ILDR2: variants seen among roughly 807,000 people sequenced by gnomAD.
ILDR2 encodes the protein immunoglobulin like domain containing receptor 2.
In ILDR2, 25 loss-of-function variants were observed where a neutral mutation model predicts 66.8. The observed-to-expected ratio is 0.37, with a 90% CI of 0.27 to 0.52. The LOEUF is 0.52. Ranked by LOEUF, ILDR2 falls within the 20% of genes least tolerant of loss-of-function variation. ILDR2 has a pLI of 0.88. For synonymous variants in ILDR2, 367 were observed against 357.2 expected (o/e 1.03, Z -0.31); for missense variants, 827 against 876.8 (o/e 0.94, Z 0.72).
intron 1 of ILDR2, among the ~76,000 whole-genome samples, chr1:166,972,184 C>A: frequency 6.6e-6 from 1 of 151,836 alleles, no homozygotes; most frequent in Non-Finnish European, 1.5e-5. Context: ...TGCACTCTGG[C>A]CTGGGTGACA....
At chr1:166,935,223 C>T in intron 6 of ILDR2, 78 bp downstream of exon 6, 1 of 1,409,358 alleles carries the variant, frequency 7.1e-7, no homozygotes, top group Non-Finnish European at 1.0e-6. Context: ...CATCACTGAA[C>T]TGACTGTTCT....
chr1:166,957,868 A>G lies in ILDR2; in HGVS notation c.280T>C (p.Leu94=), dbSNP rs201912020. Residue 94 remains leucine, a synonymous_variant, in exon 2 of 10, where the codon TTG becomes CTG. Transcript: ENST00000271417. ...NLEWDPYLDC[L]DSRRTVRVVA... The stretch of plus-strand genomic sequence containing the variant: ...ACTCGAACAGTCCTCCTGCTGTCCA[A>G]ACAATCCAAGTAGGGGTCCCATTCC... The G allele has an allele frequency of 1.6e-5, 26 of 1,614,038 alleles. No individual in the cohort carries two copies. The highest frequency in any genetic ancestry group is 2.1e-5 in the Non-Finnish European group (25 of 1,180,032).
chr1:166,975,528 G>C lies in ILDR2; in HGVS notation c.-260C>G, dbSNP rs1663543938. ...CCGCATGCCCAGGCAGCGCGGCACG[G>C]GGCGAGCGTCTCCCCGCCGCAGAGC... On this transcript the variant is annotated 5_prime_UTR_variant, in exon 1 of 10. Transcript: ENST00000271417. 6.8e-6 allele frequency: 1 copy of C among 147,396 alleles called. No individual in the cohort carries two copies. Among genetic ancestry groups the C allele is most frequent in the South Asian group, 2.1e-4 (1 of 4,826 alleles). The allele number at this position is 147,396 out of a possible 1,614,324, so 9.1% of individuals were successfully genotyped here.
At chr1:166,898,177 T>C (rs1361387152) in intron 2 of ILDR2, among the ~76,000 whole-genome samples, 1 of 152,122 alleles carries the variant, frequency 6.6e-6, no homozygotes, top group South Asian at 2.1e-4. Flanking sequence ...TGCCTGTTGT[T>C]TTTGAGGAGT....
intron 4 of ILDR2, among the ~76,000 whole-genome samples, chr1:166,938,052 C>G (rs937184456): frequency 2.0e-5 from 3 of 152,206 alleles, no homozygotes; most frequent in African/African-American, 7.2e-5. Flanking sequence ...ACTAATCTTT[C>G]TGAAATACAT....
Position 166,897,158 on chromosome 1 carries a change from G to A in ILDR2, n.172-1057C>T, listed in dbSNP as rs1167552864. On this transcript the variant is annotated intron_variant and non_coding_transcript_variant, in intron 2 of 2. Coordinates refer to the ILDR2 transcript ENST00000414590. ...AATACAACTAGCAGTAAGGTGACCA[G>A]TTAAGAGGCTATTGCTATAGTCCAC... 2.6e-5 allele frequency among the ~76,000 whole-genome samples: 4 copies of A among 152,190 alleles called. 1 individual carries two copies. The South Asian group carries it at 8.3e-4, about 32-fold the overall frequency.
At chr1:166,971,377 G>A (rs1165956545) in intron 1 of ILDR2, among the ~76,000 whole-genome samples, 5 of 152,220 alleles carry the variant, frequency 3.3e-5, no homozygotes, top group African/African-American at 1.2e-4. Flanking sequence ...TGGGTTGAGT[G>A]TGCTTCCTCT....
intron 5 of ILDR2, 141 bp from the exon 6 acceptor site, chr1:166,935,618 G>T: frequency 1.4e-6 from 1 of 711,338 alleles, no homozygotes; most frequent in Non-Finnish European, 2.2e-6. Flanking sequence ...TTCTAAAACT[G>T]AACTGATTCA....
In ILDR2 at chr1:166,910,304, C is replaced by T. The variant is rs1482241854; in HGVS notation, c.*9051G>A. ...CATGGTTTTCCCCACATTATATCCACAGAAGCCTGCCTCAAAAACATAATA... is the reference window on the plus strand; with the variant it reads ...CATGGTTTTCCCCACATTATATCCATAGAAGCCTGCCTCAAAAACATAATA... On this transcript the variant is annotated 3_prime_UTR_variant, in exon 10 of 10. Coordinates refer to ENST00000271417, the MANE Select transcript of ILDR2 (RefSeq NM_199351.3). 4 of 152,152 alleles carry T rather than the reference C, an allele frequency of 2.6e-5. No homozygotes were observed. Among genetic ancestry groups the T allele is most frequent in the Non-Finnish European group, 5.9e-5 (4 of 68,026 alleles). 9.4% of individuals were successfully genotyped at this position (152,152 alleles called of 1,614,324 possible). A position where few individuals can be genotyped will look rare whatever the true frequency, so the allele number is the denominator to read the frequency against.
In ILDR2 at chr1:166,909,752, TATATATAA is replaced by T. The variant is rs1477642349; in HGVS notation, c.*9595_*9602del. ...GTATACATACATATATATATATATA[TATATATAA>T]ATATATATAAATATATATATTTATA... On this transcript the variant is annotated 3_prime_UTR_variant, in exon 10 of 10. Transcript: ENST00000271417. 1,007 of 76,290 alleles carry T rather than the reference TATATATAA, an allele frequency of 0.013. 4 individuals carry two copies. Among genetic ancestry groups the T allele is most frequent in the Non-Finnish European group, 0.017 (751 of 44,572 alleles). The allele number at this position is 76,290 out of a possible 1,614,324, so 4.7% of individuals were successfully genotyped here. A position where few individuals can be genotyped will look rare whatever the true frequency, so the allele number is the denominator to read the frequency against.
At chr1:166,954,586 G>A (rs1160982933) in intron 3 of ILDR2, among the ~76,000 whole-genome samples, 3 of 152,184 alleles carry the variant, frequency 2.0e-5, no homozygotes, top group African/African-American at 7.2e-5. Flanking sequence ...GCATGTCTCT[G>A]TTTCATAGAC....
In ILDR2 at chr1:166,909,760, A is replaced by ATATATATATAT. The variant is rs1557921285; in HGVS notation, c.*9594_*9595insATATATATATA. The ATATATATATAT allele has an allele frequency of 6.4e-5, 4 of 62,762 alleles. No homozygotes were observed. The highest frequency in any genetic ancestry group is 2.4e-4 in the African/African-American group (3 of 12,388). 3.9% of individuals were successfully genotyped at this position (62,762 alleles called of 1,614,324 possible). A position where few individuals can be genotyped will look rare whatever the true frequency, so the allele number is the denominator to read the frequency against. ...ACATATATATATATATATATATATAAATATATATAAATATATATATTTATA... is the reference window on the plus strand; with the variant it reads ...ACATATATATATATATATATATATAATATATATATATATATATATAAATATATATATTTATA... On this transcript the variant is annotated 3_prime_UTR_variant, in exon 10 of 10. Coordinates refer to ENST00000271417, the MANE Select transcript of ILDR2 (RefSeq NM_199351.3).
In ILDR2 at chr1:166,935,450, G is replaced by A; in HGVS notation, c.731C>T (p.Ala244Val). ...ACCGGAGACAGAGGGAGGGTACCCG[G>A]CCTTTGCTGCTTTCCCTGCTTCATA... Reference protein sequence around the residue: ...ALYEAGKAAKAGYPPSVSGVP... With the variant: ...ALYEAGKAAKVGYPPSVSGVP... The change falls in exon 6 of 10, where the codon GCC becomes GTC. Residue 244 changes from alanine (A) to valine (V), a missense_variant. Coordinates refer to ENST00000271417, the MANE Select transcript of ILDR2 (RefSeq NM_199351.3). The A allele has an allele frequency of 6.2e-7, 1 of 1,605,592 alleles. No individual in the cohort carries two copies. The highest frequency in any genetic ancestry group is 1.1e-5 in the South Asian group (1 of 89,648).
At chr1:166,934,335 G>A (rs1190264265) in intron 6 of ILDR2, among the ~76,000 whole-genome samples, 3 of 152,044 alleles carry the variant, frequency 2.0e-5, no homozygotes, top group Non-Finnish European at 4.4e-5. Context: ...GACAACTTGG[G>A]GTCATCCTGA....
At chr1:166,935,546 C>A in intron 5 of ILDR2, 69 bp from the exon 6 acceptor site, 3 of 1,416,300 alleles carry the variant, frequency 2.1e-6, no homozygotes, top group Admixed American at 2.7e-5. Flanking sequence ...CACCAAAAAT[C>A]CCTGAGGATG....
intron 6 of ILDR2, among the ~76,000 whole-genome samples, chr1:166,928,450 C>G (rs555954134): frequency 6.6e-6 from 1 of 152,290 alleles, no homozygotes; most frequent in South Asian, 2.1e-4. Context: ...TTAGCTATGC[C>G]ATGGGTTGTA....
Position 166,922,840 on chromosome 1 carries a change from T to G in ILDR2, c.995-31A>C, listed in dbSNP as rs1218963908. On this transcript the variant is annotated intron_variant, in intron 7 of 9. Transcript: ENST00000271417. ...GGGACAAAATCAGGCATGATAGAGC[T>G]TTTTGTGTTACTCTGTTTTAGACAG... 9 of 1,570,892 alleles carry G rather than the reference T, an allele frequency of 5.7e-6. No individual in the cohort carries two copies. The East Asian group carries it at 2.0e-4, about 35-fold the overall frequency.
At chr1:166,942,141 A>T (rs1197261381) in intron 3 of ILDR2, among the ~76,000 whole-genome samples, 1 of 152,368 alleles carries the variant, frequency 6.6e-6, no homozygotes, top group East Asian at 1.9e-4. Context: ...TGGTTTGTCT[A>T]GGACAGTTGT....
In ILDR2 at chr1:166,909,770, A is replaced by ATATATATATAT. The variant is rs1659430024; in HGVS notation, c.*9584_*9585insATATATATATA. On this transcript the variant is annotated 3_prime_UTR_variant, in exon 10 of 10. Coordinates refer to ENST00000271417, the MANE Select transcript of ILDR2 (RefSeq NM_199351.3). ...ATATATATATATATAAATATATATA[A>ATATATATATAT]ATATATATATTTATATATATATATA... The ATATATATATAT allele has an allele frequency of 1.5e-5, 1 of 66,240 alleles. No homozygotes were observed. Among genetic ancestry groups the ATATATATATAT allele is most frequent in the Non-Finnish European group, 2.6e-5 (1 of 38,180 alleles). The allele number at this position is 66,240 out of a possible 1,614,324, so 4.1% of individuals were successfully genotyped here.
Sources: gnomAD v4.1 joint callset for allele counts (sites outside exome capture counted in the v4.1 genomes callset) on GRCh38, gnomAD v4.1.1 for gene constraint, MANE v1.5 for transcripts, NCBI Gene and HGNC (gene_info 2026-07-23, HGNC 2026-07-21) for gene names.